AR: variants seen among roughly 807,000 people sequenced by gnomAD.
AR encodes the protein androgen receptor, also known as dihydrotestosterone receptor.
Under a neutral mutation model 53.9 loss-of-function variants are expected in AR, and 8 were observed. That is an observed-to-expected ratio of 0.15 (90% CI 0.09 to 0.27). The LOEUF (loss-of-function observed/expected upper bound fraction) is 0.27. Ranked by LOEUF, AR falls within the 10% of genes least tolerant of loss-of-function variation. The pLI, the probability that AR is intolerant of heterozygous loss-of-function variation, is 1.00. For missense variants in AR, 639 were observed against 742.5 expected (o/e 0.86, Z 1.62); for synonymous variants, 359 against 316.4 (o/e 1.13, Z -1.43).
At chrX:67,620,468 C>T (rs2147396260) in intron 1 of AR, among the ~76,000 whole-genome samples, 1 of 109,464 alleles carries the variant, frequency 9.1e-6, no homozygotes, top group South Asian at 4.0e-4. Context: ...GAGAAATTAC[C>T]ATTTATTTTG....
chrX:67,582,666 C>A (rs1332180106), intron 1 of AR, among the ~76,000 whole-genome samples: 1 of 111,544 alleles, frequency 9.0e-6, no homozygotes, highest in Non-Finnish European at 1.9e-5. Flanking sequence ...CCTAGGGAAT[C>A]AAAAATAATT....
At chrX:67,602,582 T>C in intron 1 of AR, among the ~76,000 whole-genome samples, 1 of 111,984 alleles carries the variant, frequency 8.9e-6, no homozygotes, top group Non-Finnish European at 1.9e-5. Context: ...AACTTGAAGA[T>C]AGAGGAGGCT....
intron 1 of AR, among the ~76,000 whole-genome samples, chrX:67,631,671 C>T (rs1399773248): frequency 5.3e-5 from 6 of 112,463 alleles, no homozygotes; most frequent in East Asian, 2.8e-4. Flanking sequence ...AGCTTTGTTC[C>T]GTTGCTGGTG....
chrX:67,697,011 C>T (rs2076023691), intron 3 of AR, among the ~76,000 whole-genome samples: 1 of 112,010 alleles, frequency 8.9e-6, no homozygotes, highest in Admixed American at 9.5e-5. Context: ...AAGGGATAGA[C>T]AAGATCCAAG....
intron 3 of AR, 133 bp from the exon 4 acceptor site, chrX:67,711,269 C>A: frequency 5.3e-6 from 4 of 757,113 alleles, no homozygotes; most frequent in Non-Finnish European, 7.8e-6. Context: ...AGCACTTGTC[C>A]TTAAGGAGTT....
intron 1 of AR, among the ~76,000 whole-genome samples, chrX:67,587,921 T>G (rs1412400658): frequency 9.1e-6 from 1 of 110,307 alleles, no homozygotes; most frequent in Non-Finnish European, 1.9e-5. Flanking sequence ...ATTCAGTAGT[T>G]ATTCACAGGC....
chrX:67,565,632 A>G (rs1921524332), intron 1 of AR, among the ~76,000 whole-genome samples: 2 of 111,542 alleles, frequency 1.8e-5, no homozygotes, highest in Non-Finnish European at 3.8e-5. Flanking sequence ...GAGTAAACTG[A>G]GACTGGAGGA....
chrX:67,694,865 C>G, intron 3 of AR: 1 of 1,072,440 alleles, frequency 9.3e-7, no homozygotes, highest in Non-Finnish European at 1.2e-6. Flanking sequence ...GGGCTACTCT[C>G]TTGATTGCTG....
chrX:67,646,616 C>G (rs1317724218), intron 2 of AR, among the ~76,000 whole-genome samples: 3 of 109,769 alleles, frequency 2.7e-5, no homozygotes, highest in African/African-American at 9.9e-5. Flanking sequence ...ACCAGGAAGT[C>G]AAAGCAAGGC....
chrX:67,617,693 A>G (rs752584700), intron 1 of AR, among the ~76,000 whole-genome samples: 1 of 111,659 alleles, frequency 9.0e-6, no homozygotes, highest in East Asian at 2.8e-4. Flanking sequence ...CTCCACAAAT[A>G]TGGGTTTTAT....
At chrX:67,671,671 C>T (rs2075866243) in intron 2 of AR, among the ~76,000 whole-genome samples, 2 of 111,884 alleles carry the variant, frequency 1.8e-5, no homozygotes, top group South Asian at 7.5e-4. Flanking sequence ...GAAGTCTCTA[C>T]CCATGCCTAT....
chrX:67,558,636 G>A (rs1921160166), intron 1 of AR, among the ~76,000 whole-genome samples: 1 of 111,713 alleles, frequency 9.0e-6, no homozygotes, highest in Non-Finnish European at 1.9e-5. Context: ...GTTAGAAGAA[G>A]TTGATGACTC....
intron 2 of AR, among the ~76,000 whole-genome samples, chrX:67,669,960 G>A (rs1024924500): frequency 9.6e-6 from 1 of 104,240 alleles, no homozygotes; most frequent in African/African-American, 3.4e-5. Context: ...TATGTTTCTT[G>A]TAAATAAAAA....
At chrX:67,568,127 T>C (rs1921635199) in intron 1 of AR, among the ~76,000 whole-genome samples, 1 of 111,714 alleles carries the variant, frequency 9.0e-6, no homozygotes, top group African/African-American at 3.3e-5. Context: ...AGAAGCTCAT[T>C]TCAAGTAGGC....
chrX:67,652,455 G>A (rs1206832267), intron 2 of AR, among the ~76,000 whole-genome samples: 2 of 112,166 alleles, frequency 1.8e-5, no homozygotes, highest in Non-Finnish European at 3.8e-5. Context: ...ACTAAAACTT[G>A]AAGGAAGGGA....
At position 67,585,572 on chromosome X, in the gene AR, A is replaced by G. The variant is rs138497414; in HGVS notation, c.1616+38810A>G. Among the ~76,000 whole-genome samples, 556 of 112,582 alleles carry G rather than the reference A, an allele frequency of 4.9e-3. 4 individuals carry two copies. The highest frequency in any genetic ancestry group is 0.014 in the Middle Eastern group (3 of 216). On this transcript the variant is annotated intron_variant, in intron 1 of 7. Transcript: ENST00000374690. ...TACCTGAAGTGAGAAGTCTGAGGTA[A>G]CTTAGCAATAAGCTTGCAGTACAGT... is the stretch of plus-strand genomic sequence containing the variant.
At chrX:67,649,950 C>T (rs1926254313) in intron 2 of AR, among the ~76,000 whole-genome samples, 1 of 111,567 alleles carries the variant, frequency 9.0e-6, no homozygotes. Context: ...AAGACTTTGC[C>T]CATTCACAAT....
chrX:67,546,687 ATCCCAG>A lies in AR; in HGVS notation c.1547_1552del (p.Ser516_Pro517del), dbSNP rs761153524. 3 of 1,208,662 alleles carry A rather than the reference ATCCCAG, an allele frequency of 2.5e-6. No individual in the cohort carries two copies. The East Asian group carries it at 8.9e-5, about 36-fold the overall frequency. ...GGCGGCATGGTGAGCAGAGTGCCCT[ATCCCAG>A]TCCCACTTGTGTCAAAAGCGAAATG... On this transcript the variant is annotated inframe_deletion, in exon 1 of 8. Transcript: ENST00000374690.
chrX:67,651,625 G>C (rs1001704121), intron 2 of AR, among the ~76,000 whole-genome samples: 1 of 111,864 alleles, frequency 8.9e-6, no homozygotes, highest in Admixed American at 9.6e-5. Flanking sequence ...CAGCAATGAA[G>C]AGCAACAGCA....
Sources: gnomAD v4.1 joint callset for allele counts (sites outside exome capture counted in the v4.1 genomes callset) on GRCh38, gnomAD v4.1.1 for gene constraint, MANE v1.5 for transcripts, NCBI Gene and HGNC (gene_info 2026-07-23, HGNC 2026-07-21) for gene names.